The following FRK variants were observed in gnomAD, a reference collection of about 807,000 sequenced individuals.
FRK encodes tyrosine-protein kinase FRK.
Under a neutral mutation model 56.4 loss-of-function variants are expected in FRK, and 51 were observed. That is an observed-to-expected ratio of 0.90 (90% confidence interval 0.72 to 1.14). The LOEUF (loss-of-function observed/expected upper bound fraction) is 1.14, where lower values mean the gene tolerates loss of function less well. FRK is among the 50% of genes most tolerant of loss of function. The pLI is 0.00. For synonymous variants in FRK, 245 were observed against 217.9 expected (o/e 1.12, Z -1.10); for missense variants, 570 against 601.4 (o/e 0.95, Z 0.55).
At chr6:115,969,117 T>A (rs1435441040) in intron 2 of FRK, among the ~76,000 whole-genome samples, 1 of 151,918 alleles carries the variant, frequency 6.6e-6, no homozygotes, top group Non-Finnish European at 1.5e-5. Flanking sequence ...TCATGAAAGG[T>A]TTTTAGAAAC....
chr6:115,957,158 C>G (rs1463252476), intron 4 of FRK, among the ~76,000 whole-genome samples: 2 of 152,132 alleles, frequency 1.3e-5, no homozygotes. Flanking sequence ...GGGTTTTTTT[C>G]ACATGTTTTA....
At chr6:115,998,247 C>T (rs1055573654) in intron 2 of FRK, among the ~76,000 whole-genome samples, 39 of 152,258 alleles carry the variant, frequency 2.6e-4, no homozygotes, top group African/African-American at 8.7e-4. Context: ...CATATCCCCC[C>T]GGACTATTGC....
intron 1 of FRK, among the ~76,000 whole-genome samples, chr6:116,016,658 G>T (rs1465726062): frequency 6.6e-6 from 1 of 152,126 alleles, no homozygotes; most frequent in Admixed American, 6.5e-5. Flanking sequence ...TGCCCCCAGG[G>T]AGTCAAGGTG....
chr6:116,007,724 C>T (rs1036227134), intron 1 of FRK, among the ~76,000 whole-genome samples: 2 of 152,068 alleles, frequency 1.3e-5, no homozygotes, highest in African/African-American at 4.8e-5. Context: ...GTATCATACT[C>T]CAAAGATCAC....
the FRK span, among the ~76,000 whole-genome samples, chr6:116,075,265 T>C: frequency 2.0e-5 from 3 of 152,228 alleles, no homozygotes; most frequent in East Asian, 1.9e-4. Context: ...TATTTCTTTT[T>C]AAACTTCTTA....
intron 4 of FRK, among the ~76,000 whole-genome samples, chr6:115,959,971 A>G (rs1407701770): frequency 1.3e-5 from 2 of 152,140 alleles, no homozygotes; most frequent in East Asian, 3.9e-4. Context: ...AAATAAAAAA[A>G]AAAACTAACA....
chr6:116,080,078 GA>G, the FRK span, among the ~76,000 whole-genome samples: 1 of 152,118 alleles, frequency 6.6e-6, no homozygotes, highest in African/African-American at 2.4e-5. Context: ...ATTTGAGTTA[GA>G]TTAAAAGTAT....
intron 1 of FRK, among the ~76,000 whole-genome samples, chr6:116,017,771 C>T (rs190906481): frequency 1.6e-4 from 24 of 152,250 alleles, no homozygotes; most frequent in Non-Finnish European, 2.4e-4. Flanking sequence ...TTGAAAAACA[C>T]AGCTGTTTCT....
chr6:116,058,910 CAAAAAAAA>C (rs3049930), intron 1 of FRK, among the ~76,000 whole-genome samples: 20 of 78,408 alleles, frequency 2.6e-4, no homozygotes, highest in African/African-American at 9.2e-4. Context: ...GACTCCGTCT[CAAAAAAAA>C]AAAAAAAAAA....
Position 115,944,288 on chromosome 6 carries a change from T to C in FRK, c.1096A>G (p.Asn366Asp), listed in dbSNP as rs762255641. ...AARNVLVGEH[N>D]IYKVADFGLA... The stretch of plus-strand genomic sequence containing the variant: ...CCAAAATCTGCTACTTTGTAGATAT[T>C]ATGTTCACCAACGAGGACATTTCTG... Residue 366 changes from asparagine to aspartate, a missense_variant, in exon 6 of 8, where the codon AAT becomes GAT. Transcript: ENST00000606080. The C allele has an allele frequency of 6.2e-7, 1 of 1,612,846 alleles. No homozygotes were observed. Among genetic ancestry groups the C allele is most frequent in the South Asian group, 1.1e-5 (1 of 90,992 alleles).
chr6:115,999,695 A>G (rs1352365670), intron 2 of FRK, among the ~76,000 whole-genome samples: 1 of 152,252 alleles, frequency 6.6e-6, no homozygotes, highest in Non-Finnish European at 1.5e-5. Context: ...GATTAAGAAG[A>G]CAACTGCACT....
In FRK at chr6:116,043,686, G is replaced by A. The variant is rs569765231; in HGVS notation, c.344+16282C>T. On this transcript the variant is annotated intron_variant, in intron 1 of 7. Coordinates refer to ENST00000606080, the MANE Select transcript of FRK (RefSeq NM_002031.3). Reference sequence around the variant, plus strand: ...CATTGCAATTAAAAGTATTAGAGACGCAAGAGCAAACAAATTCAAAAGCTA... The same window carrying A: ...CATTGCAATTAAAAGTATTAGAGACACAAGAGCAAACAAATTCAAAAGCTA... Among the ~76,000 whole-genome samples, 4 of 152,104 alleles carry A rather than the reference G, an allele frequency of 2.6e-5. No individual in the cohort carries two copies. The South Asian group carries it at 8.3e-4, about 32-fold the overall frequency.
intron 2 of FRK, among the ~76,000 whole-genome samples, chr6:115,996,512 T>C (rs940475791): frequency 2.6e-5 from 4 of 152,124 alleles, no homozygotes; most frequent in Admixed American, 2.6e-4. Flanking sequence ...TCTTATTACC[T>C]GGAAAAAACT....
At position 116,016,058 on chromosome 6, in the gene FRK, G is replaced by A. The variant is rs181276009; in HGVS notation, c.345-12060C>T. 4.9e-4 allele frequency among the ~76,000 whole-genome samples: 74 copies of A among 152,284 alleles called. No homozygotes were observed. In the East Asian group the frequency reaches 8.5e-3, roughly 17 times the overall value. On this transcript the variant is annotated intron_variant, in intron 1 of 7. Coordinates refer to ENST00000606080, the MANE Select transcript of FRK (RefSeq NM_002031.3). ...CAGAAATTTGCTTAAGTGACCAGGG[G>A]CCAAATGTTAATAGCCAAGACAATG...
chr6:116,064,709 A>G (rs762814577), upstream of FRK, among the ~76,000 whole-genome samples: 1 of 152,032 alleles, frequency 6.6e-6, no homozygotes, highest in Non-Finnish European at 1.5e-5. Context: ...TTTTCTTCTC[A>G]TCCTTATAGC....
chr6:116,047,925 A>C (rs1042784779), intron 1 of FRK, among the ~76,000 whole-genome samples: 1 of 152,258 alleles, frequency 6.6e-6, no homozygotes, highest in Non-Finnish European at 1.5e-5. Context: ...GTGTGGGAGG[A>C]GACTACCCCA....
chr6:115,985,750 C>T (rs555316779), intron 2 of FRK, among the ~76,000 whole-genome samples: 4 of 152,064 alleles, frequency 2.6e-5, no homozygotes, highest in African/African-American at 4.8e-5. Flanking sequence ...CAACCAATAA[C>T]GTAGACAGGA....
chr6:116,072,780 T>C, the FRK span, among the ~76,000 whole-genome samples: 1 of 152,094 alleles, frequency 6.6e-6, no homozygotes, highest in Admixed American at 6.6e-5. Flanking sequence ...CCTGTAGGAG[T>C]TTAACCTAAC....
chr6:115,969,209 T>C (rs1285630250), intron 2 of FRK, among the ~76,000 whole-genome samples: 1 of 152,204 alleles, frequency 6.6e-6, no homozygotes, highest in Admixed American at 6.5e-5. Flanking sequence ...ATAAACAGTG[T>C]GCTCAATACC....
Sources: allele counts gnomAD v4.1 joint callset (sites outside exome capture counted in the v4.1 genomes callset), GRCh38; gene constraint gnomAD v4.1.1; transcripts MANE v1.5; gene names NCBI Gene and HGNC (gene_info 2026-07-23, HGNC 2026-07-21).